Variants in TRHR observed in about 807,000 individuals in gnomAD.
TRHR encodes the protein thyrotropin-releasing hormone receptor.
A neutral mutation model predicts 28.0 loss-of-function variants in TRHR; 14 were observed. The ratio of observed to expected loss-of-function variants is 0.50; its 90% CI spans 0.33 to 0.78. The LOEUF is 0.78. Ranked by LOEUF, TRHR falls within the 30% of genes least tolerant of loss-of-function variation. The pLI, the probability that TRHR is intolerant of heterozygous loss-of-function variation, is 0.02. For missense variants in TRHR, 438 were observed against 469.5 expected (o/e 0.93, Z 0.62); for synonymous variants, 176 against 171.9 (o/e 1.02, Z -0.18).
chr8:109,093,896 A>T (rs1052477109), intron 2 of TRHR, among the ~76,000 whole-genome samples: 11 of 151,870 alleles, frequency 7.2e-5, no homozygotes, highest in African/African-American at 2.7e-4. Flanking sequence ...GTTACCGACC[A>T]GCCTTCACCT....
chr8:109,115,381 AGCTATAAATTAACTTGGGCAGTATG>A (rs1408073842), intron 2 of TRHR, among the ~76,000 whole-genome samples: 1 of 152,108 alleles, frequency 6.6e-6, no homozygotes, highest in Non-Finnish European at 1.5e-5. Flanking sequence ...ATGGCATTGA[AGCTATAAATTAACTTGGGCAGTATG>A]GCCATTTTCA....
In TRHR at chr8:109,087,818, T is replaced by C; in HGVS notation, c.306T>C (p.Thr102=). 8 of 1,614,252 alleles carry C rather than the reference T, an allele frequency of 5.0e-6. No homozygotes were observed. Among genetic ancestry groups the C allele is most frequent in the Non-Finnish European group, 6.8e-6 (8 of 1,180,054 alleles). Residue 102 remains threonine (T), a synonymous_variant, in exon 2 of 3, where the codon ACT becomes ACC. Transcript: ENST00000518632. ...VYGYVGCLCI[T]YLQYLGINAS... is the part of the protein sequence containing the mutation. The stretch of plus-strand genomic sequence containing the variant: ...GCTATGTTGGATGCCTCTGCATTAC[T>C]TACCTCCAGTATTTGGGAATTAATG...
At chr8:109,111,411 T>C (rs1368295887) in intron 2 of TRHR, among the ~76,000 whole-genome samples, 2 of 152,178 alleles carry the variant, frequency 1.3e-5, no homozygotes, top group African/African-American at 4.8e-5. Flanking sequence ...CAGGACACTT[T>C]GTTAATATTC....
chr8:109,111,155 A>C (rs188335036), intron 2 of TRHR, among the ~76,000 whole-genome samples: 2 of 151,632 alleles, frequency 1.3e-5, no homozygotes, highest in East Asian at 3.9e-4. Flanking sequence ...CCATCTCAAA[A>C]AAACAAAACA....
chr8:109,088,399 C>A, intron 2 of TRHR, 98 bp downstream of exon 2: 1 of 1,222,692 alleles, frequency 8.2e-7, no homozygotes, highest in East Asian at 2.5e-5. Context: ...ATGGCGAAAC[C>A]AAAATACAAT....
At chr8:109,117,166 G>A (rs1486080663) in intron 2 of TRHR, among the ~76,000 whole-genome samples, 1 of 151,952 alleles carries the variant, frequency 6.6e-6, no homozygotes, top group African/African-American at 2.4e-5. Context: ...AAGTGTTTGG[G>A]TGATCATAAT....
At chr8:109,110,036 C>T (rs548334618) in intron 2 of TRHR, among the ~76,000 whole-genome samples, 11 of 152,246 alleles carry the variant, frequency 7.2e-5, no homozygotes, top group South Asian at 2.1e-4. Context: ...CTATGATATC[C>T]GCCTAATGAC....
At chr8:109,100,704 TA>T (rs1811666435) in intron 2 of TRHR, among the ~76,000 whole-genome samples, 1 of 152,110 alleles carries the variant, frequency 6.6e-6, no homozygotes, top group African/African-American at 2.4e-5. Context: ...GATAAAGTCA[TA>T]AAGAAACAAA....
intron 2 of TRHR, among the ~76,000 whole-genome samples, chr8:109,112,180 A>G (rs1032976841): frequency 3.3e-5 from 5 of 152,176 alleles, no homozygotes; most frequent in Non-Finnish European, 7.4e-5. Context: ...GGACAAAGCC[A>G]CAGCCTTTAT....
chr8:109,105,983 G>T (rs1428220512), intron 2 of TRHR, among the ~76,000 whole-genome samples: 2 of 152,034 alleles, frequency 1.3e-5, no homozygotes, highest in Non-Finnish European at 2.9e-5. Context: ...ACATGTACTG[G>T]TGTATGATAA....
In TRHR at chr8:109,119,355, A is replaced by T. The variant is rs1257426266; in HGVS notation, c.1097A>T (p.Glu366Val). The change falls in exon 3 of 3, where the codon GAG (glutamate) becomes GTG (valine). Residue 366 changes from glutamate (E) to valine (V), a missense_variant. By Grantham distance (121) the Glu-to-Val change is moderately radical (BLOSUM62 -2). Coordinates refer to ENST00000518632, the MANE Select transcript of TRHR (RefSeq NM_003301.7). ...VIKESDHFST[E>V]LDDITVTDTY... ...AAGGAGTCAGACCATTTCAGCACAG[A>T]GCTTGATGATATCACTGTCACTGAC... The T allele has an allele frequency of 1.1e-5, 18 of 1,612,410 alleles. No homozygotes were observed. Among genetic ancestry groups the T allele is most frequent in the Non-Finnish European group, 1.4e-5 (16 of 1,179,032 alleles).
chr8:109,118,272 A>G (rs1811949156), intron 2 of TRHR, among the ~76,000 whole-genome samples: 2 of 152,106 alleles, frequency 1.3e-5, no homozygotes, highest in South Asian at 4.1e-4. Context: ...AAACATGGTA[A>G]CAAATAAACA....
At chr8:109,097,083 AT>A (rs2129888013) in intron 2 of TRHR, among the ~76,000 whole-genome samples, 1 of 152,298 alleles carries the variant, frequency 6.6e-6, no homozygotes, top group South Asian at 2.1e-4. Context: ...GGACAGGCTG[AT>A]TTGGAAACAT....
intron 2 of TRHR, among the ~76,000 whole-genome samples, chr8:109,099,575 T>C (rs897939376): frequency 1.2e-4 from 19 of 152,218 alleles, no homozygotes; most frequent in African/African-American, 4.6e-4. Context: ...GAGAGCTGCA[T>C]GGAAGTACAT....
intron 2 of TRHR, among the ~76,000 whole-genome samples, chr8:109,112,450 C>A (rs1458457629): frequency 1.3e-5 from 2 of 152,140 alleles, no homozygotes; most frequent in Non-Finnish European, 2.9e-5. Flanking sequence ...ATTAACTGGG[C>A]TGTGGCCCAA....
chr8:109,093,898 C>G (rs893859825), intron 2 of TRHR, among the ~76,000 whole-genome samples: 1 of 151,634 alleles, frequency 6.6e-6, no homozygotes, highest in South Asian at 2.1e-4. Flanking sequence ...TACCGACCAG[C>G]CTTCACCTGT....
intron 2 of TRHR, among the ~76,000 whole-genome samples, chr8:109,116,561 T>G (rs1173040889): frequency 1.3e-5 from 2 of 152,148 alleles, no homozygotes; most frequent in East Asian, 3.9e-4. Context: ...ATTTATCCAT[T>G]TCTTCTAGAT....
At chr8:109,098,156 G>A (rs1221504425) in intron 2 of TRHR, among the ~76,000 whole-genome samples, 1 of 150,586 alleles carries the variant, frequency 6.6e-6, no homozygotes, top group Non-Finnish European at 1.5e-5. Flanking sequence ...TTTTGAGACA[G>A]TATTGCTTTG....
In TRHR at chr8:109,113,162, C is replaced by G. The variant is rs146613372; in HGVS notation, c.790-5886C>G. Among the ~76,000 whole-genome samples the G allele has an allele frequency of 3.0e-3, 453 of 152,214 alleles. 1 individual carries two copies. Among genetic ancestry groups the G allele is most frequent in the Non-Finnish European group, 4.3e-3 (292 of 67,982 alleles). On this transcript the variant is annotated intron_variant, in intron 2 of 2. Coordinates refer to ENST00000518632, the MANE Select transcript of TRHR (RefSeq NM_003301.7). ...CCCCCACACTGTGCACTGGACTATT[C>G]ATTATTCTAGAACAGTTTCCCTAAC...
Sources: allele counts gnomAD v4.1 joint callset (sites outside exome capture counted in the v4.1 genomes callset), GRCh38; gene constraint gnomAD v4.1.1; transcripts MANE v1.5; gene names NCBI Gene and HGNC (gene_info 2026-07-23, HGNC 2026-07-21).